HAUS5: variants seen among roughly 807,000 people sequenced by gnomAD.
The protein encoded by HAUS5 is HAUS augmin like complex subunit 5.
In HAUS5, 67 loss-of-function variants were observed where a neutral mutation model predicts 94.1. The observed-to-expected ratio is 0.71, with a 90% confidence interval of 0.58 to 0.87. The LOEUF (loss-of-function observed/expected upper bound fraction) is 0.87, where lower values mean the gene tolerates loss of function less well. HAUS5 is among the 40% of genes least tolerant of loss of function. The pLI is 0.00. For synonymous variants in HAUS5, 339 were observed against 355.4 expected, an observed-to-expected ratio of 0.95 and a Z score of 0.52; for missense variants, 739 against 825.6, an observed-to-expected ratio of 0.90 and a Z score of 1.29.
In HAUS5 at chr19:35,619,484, C is replaced by A. The variant is rs756452497; in HGVS notation, c.1240C>A (p.Leu414Met). Residue 414 changes from leucine to methionine, a missense_variant, in exon 14 of 19, where the codon CTG (leucine) becomes ATG (methionine). Coordinates refer to ENST00000203166, the MANE Select transcript of HAUS5 (RefSeq NM_015302.2). ...IKGNSASKTR[L>M]CRSPGEVLAL... is the part of the protein sequence containing the mutation. ...GGGAAACTCGGCCAGCAAGACCCGC[C>A]TGTGCCGGAGCCCGGGGGAGGTGAG... 6.2e-7 allele frequency: 1 copy of A among 1,610,424 alleles called. No individual in the cohort carries two copies. Among genetic ancestry groups the A allele is most frequent in the East Asian group, 2.2e-5 (1 of 44,838 alleles).
rs2146338813 is a variant in HAUS5, at chr19:35,618,918, T to G, written c.1048T>G (p.Cys350Gly). The change falls in exon 13 of 19, where the codon TGC (cysteine) becomes GGC (glycine). Residue 350 changes from cysteine (C) to glycine (G), a missense_variant. By Grantham distance (159) the Cys-to-Gly change is radical. Coordinates refer to ENST00000203166, the MANE Select transcript of HAUS5 (RefSeq NM_015302.2). ...GCTGATACTGGGGCTTCGGCGCTGT[T>G]GCCTGTGGACGGAGCTCAAGGCCCT... ...QVLILGLRRC[C>G]LWTELKALHD... 6.2e-7 allele frequency: 1 copy of G among 1,611,984 alleles called. No homozygotes were observed. Among genetic ancestry groups the G allele is most frequent in the South Asian group, 1.1e-5 (1 of 90,866 alleles).
chr19:35,618,613 C>G lies in HAUS5; in HGVS notation c.930C>G (p.Thr310=). The G allele has an allele frequency of 6.2e-7, 1 of 1,607,246 alleles. No individual in the cohort carries two copies. Among genetic ancestry groups the G allele is most frequent in the African/African-American group, 1.3e-5 (1 of 74,946 alleles). ...TVGVLVSQRS[T]LLKERQVLTQ... ...GTGTGCTGGTCTCCCAGCGGAGCAC[C>G]CTCCTGAAGGAGCGGCAAGTCTTGA... Residue 310 remains threonine (T), a synonymous_variant, in exon 12 of 19, where the codon ACC becomes ACG. Transcript: ENST00000203166.
Position 35,613,570 on chromosome 19 carries a change from T to TAAA in HAUS5, c.99-142_99-140dup, listed in dbSNP as rs34133946. The TAAA allele has an allele frequency of 2.8e-3, 1,412 of 497,696 alleles. 1 individual carries two copies. Among genetic ancestry groups the TAAA allele is most frequent in the East Asian group, 8.3e-3 (242 of 29,302 alleles). The allele number at this position is 497,696 out of a possible 1,614,324, so 30.8% of individuals were successfully genotyped here. On this transcript the variant is annotated intron_variant, in intron 1 of 18. Transcript: ENST00000203166. ...ACTGCGACAGAGCGAGACTGTCTCT[T>TAAA]AAAAAAAAAAAAAAAAAAAAGGCAA...
chr19:35,617,989 T>C, intron 9 of HAUS5, 77 bp downstream of exon 9: 1 of 1,606,670 alleles, frequency 6.2e-7, no homozygotes, highest in Non-Finnish European at 8.5e-7. Flanking sequence ...GACCTAACTC[T>C]TGATGACAGC....
intron 8 of HAUS5, 151 bp from the exon 9 acceptor site, chr19:35,617,704 G>A (rs2071956965): frequency 1.4e-6 from 1 of 705,480 alleles, no homozygotes; most frequent in Non-Finnish European, 2.5e-6. Context: ...CCATGTAAAG[G>A]CCCCAAAGCC....
In HAUS5 at chr19:35,625,348, C is replaced by A. The variant is rs954213155; in HGVS notation, c.*2355C>A. On this transcript the variant is annotated 3_prime_UTR_variant, in exon 19 of 19. Coordinates refer to ENST00000203166, the MANE Select transcript of HAUS5 (RefSeq NM_015302.2). ...GAATAAAGTCATGATTTTTCTCTTT[C>A]TAAAAAATATGTATTTCCCTAGTTA... 2.0e-5 allele frequency: 3 copies of A among 152,120 alleles called. No homozygotes were observed. The highest frequency in any genetic ancestry group is 2.0e-4 in the Admixed American group (3 of 15,246). The allele number at this position is 152,120 out of a possible 1,614,324, so 9.4% of individuals were successfully genotyped here.
Position 35,624,097 on chromosome 19 carries a change from C to CTTTTTTTTTTT in HAUS5, c.*1108_*1109insTTTTTTTTTTT, listed in dbSNP as rs1486200504. 1 of 86,346 alleles carries CTTTTTTTTTTT rather than the reference C, an allele frequency of 1.2e-5. No homozygotes were observed. Among genetic ancestry groups the CTTTTTTTTTTT allele is most frequent in the African/African-American group, 4.6e-5 (1 of 21,856 alleles). The allele number at this position is 86,346 out of a possible 1,614,324, so 5.3% of individuals were successfully genotyped here. A position where few individuals can be genotyped will look rare whatever the true frequency, so the allele number is the denominator to read the frequency against. On this transcript the variant is annotated 3_prime_UTR_variant, in exon 19 of 19. Coordinates refer to ENST00000203166, the MANE Select transcript of HAUS5 (RefSeq NM_015302.2). ...ACATTGTCATATCTGTTCTTGTTTT[C>CTTTTTTTTTTT]TTTTGTTTTTTTTTTTTTTTTTTTT... is the stretch of plus-strand genomic sequence containing the variant.
At position 35,618,389 on chromosome 19, in the gene HAUS5, T is replaced by TCCCCCC; in HGVS notation, c.822-8_822-7insCCCCCC. 6.2e-7 allele frequency: 1 copy of TCCCCCC among 1,602,648 alleles called. No homozygotes were observed. Among genetic ancestry groups the TCCCCCC allele is most frequent in the Non-Finnish European group, 8.5e-7 (1 of 1,171,944 alleles). ...GCAGCACGGCTCCCTCAGCAGCTCT[T>TCCCCCC]CCCCCACCCCAGACCCCAGGCCCCG... On this transcript the variant is annotated splice_polypyrimidine_tract_variant and intron_variant, in intron 10 of 18. Coordinates refer to ENST00000203166, the MANE Select transcript of HAUS5 (RefSeq NM_015302.2).
chr19:35,622,570 C>G (rs140577874), intron 17 of HAUS5, 31 bp from the exon 18 acceptor site: 19 of 1,609,454 alleles, frequency 1.2e-5, no homozygotes, highest in Non-Finnish European at 1.5e-5. Context: ...CCAGAGGACT[C>G]AAAGCTGCCT....
intron 13 of HAUS5, 75 bp downstream of exon 13, chr19:35,619,124 A>G: frequency 2.8e-6 from 4 of 1,416,268 alleles, no homozygotes; most frequent in Non-Finnish European, 3.8e-6. Context: ...ACTGGGCCTG[A>G]GCCCTGTGTG....
intron 6 of HAUS5, 24 bp from the exon 7 acceptor site, chr19:35,617,100 C>G: frequency 6.2e-7 from 1 of 1,604,214 alleles, no homozygotes; most frequent in Non-Finnish European, 8.5e-7. Flanking sequence ...GGGACCCCAG[C>G]CCCAGCTGCA....
intron 1 of HAUS5, among the ~76,000 whole-genome samples, 179 bp downstream of exon 1, chr19:35,613,071 G>T (rs1449165368): frequency 6.6e-6 from 1 of 152,118 alleles, no homozygotes; most frequent in Middle Eastern, 3.2e-3. Context: ...CACTGGTGAG[G>T]ATCCTCCACG....
Position 35,623,570 on chromosome 19 carries a change from T to C in HAUS5, c.*577T>C, listed in dbSNP as rs1339296016. The C allele has an allele frequency of 2.0e-5, 3 of 153,256 alleles. No individual in the cohort carries two copies. The highest frequency in any genetic ancestry group is 3.8e-4 in the East Asian group (2 of 5,198). The allele number at this position is 153,256 out of a possible 1,614,324, so 9.5% of individuals were successfully genotyped here. ...GGGCCACTGAGGGGGACAGTGTAGGTTGGGGGTGAGGAATGTATTAAAAGA... is the reference window on the plus strand; with the variant it reads ...GGGCCACTGAGGGGGACAGTGTAGGCTGGGGGTGAGGAATGTATTAAAAGA... On this transcript the variant is annotated 3_prime_UTR_variant, in exon 19 of 19. Transcript: ENST00000203166.
At position 35,612,877 on chromosome 19, in the gene HAUS5, A is replaced by C; in HGVS notation, c.83A>C (p.Glu28Ala). 6.5e-7 allele frequency: 1 copy of C among 1,545,264 alleles called. No individual in the cohort carries two copies. Among genetic ancestry groups the C allele is most frequent in the Non-Finnish European group, 8.7e-7 (1 of 1,144,884 alleles). The change falls in exon 1 of 19, where the codon GAA (glutamate) becomes GCA (alanine). Residue 28 changes from glutamate (E) to alanine (A), a missense_variant. Coordinates refer to ENST00000203166, the MANE Select transcript of HAUS5 (RefSeq NM_015302.2). ...MGVPVAARAP[E>A]STLRRLCLGQ... ...GTGCCCGTGGCGGCCCGGGCCCCGGAATCGACGCTGCGCAGGTGAGGACCG... is the reference window on the plus strand; with the variant it reads ...GTGCCCGTGGCGGCCCGGGCCCCGGCATCGACGCTGCGCAGGTGAGGACCG...
Position 35,620,141 on chromosome 19 carries a change from G to T in HAUS5, c.1518+18G>T. 1 of 1,612,362 alleles carries T rather than the reference G, an allele frequency of 6.2e-7. No homozygotes were observed. Among genetic ancestry groups the T allele is most frequent in the Non-Finnish European group, 8.5e-7 (1 of 1,178,644 alleles). ...CAGGGAAGGTGAGTGCCCGTCTCCTGTGACTTGTCTCCCCAGCCCCGCCCC... is the reference window on the plus strand; with the variant it reads ...CAGGGAAGGTGAGTGCCCGTCTCCTTTGACTTGTCTCCCCAGCCCCGCCCC... On this transcript the variant is annotated intron_variant, in intron 16 of 18. Transcript: ENST00000203166.
Position 35,612,897 on chromosome 19 carries a change from G to C in HAUS5, c.98+5G>C. ...CCCGGAATCGACGCTGCGCAGGTGA[G>C]GACCGCTCCTGGAGTGAGGACACCC... On this transcript the variant is annotated splice_donor_5th_base_variant and intron_variant, in intron 1 of 18. Coordinates refer to ENST00000203166, the MANE Select transcript of HAUS5 (RefSeq NM_015302.2). The C allele has an allele frequency of 6.5e-7, 1 of 1,536,472 alleles. No individual in the cohort carries two copies.
At chr19:35,616,195 G>A (rs2071941634) in intron 6 of HAUS5, among the ~76,000 whole-genome samples, 1 of 151,974 alleles carries the variant, frequency 6.6e-6, no homozygotes, top group South Asian at 2.1e-4. Context: ...GCACGTGCCT[G>A]TAGTCCCAGC....
At chr19:35,619,332 G>C (rs1967164454) in intron 13 of HAUS5, 92 bp from the exon 14 acceptor site, 3 of 1,039,366 alleles carry the variant, frequency 2.9e-6, no homozygotes, top group Middle Eastern at 2.2e-4. Flanking sequence ...GAGCCCAGGT[G>C]AGACTCCCAG....
At chr19:35,622,019 G>A (rs775661543) in intron 17 of HAUS5, among the ~76,000 whole-genome samples, 4 of 152,194 alleles carry the variant, frequency 2.6e-5, no homozygotes, top group South Asian at 2.1e-4. Flanking sequence ...GCCTTGGAGC[G>A]AGAGTGTTGG....
Sources: gnomAD v4.1 joint callset for allele counts (sites outside exome capture counted in the v4.1 genomes callset) on GRCh38, gnomAD v4.1.1 for gene constraint, MANE v1.5 for transcripts, NCBI Gene and HGNC (gene_info 2026-07-23, HGNC 2026-07-21) for gene names.